CSMD1: variants seen among roughly 807,000 people sequenced by gnomAD.
CSMD1 encodes the protein CUB and sushi domain-containing protein 1.
A neutral mutation model predicts 417.5 loss-of-function variants in CSMD1; 213 were observed. That is an observed-to-expected ratio of 0.51 (90% confidence interval 0.46 to 0.57). The LOEUF (loss-of-function observed/expected upper bound fraction) is 0.57, where lower values mean the gene tolerates loss of function less well. Ranked by LOEUF, CSMD1 falls within the 20% of genes least tolerant of loss-of-function variation. The pLI is 0.00. For missense variants in CSMD1, 6,923 were observed against 4,529.7 expected, an observed-to-expected ratio of 1.53 and a Z score of -15.17; for synonymous variants, 2,862 against 1,736.8, an observed-to-expected ratio of 1.65 and a Z score of -16.11.
chr8:3,088,124 G>A (rs1585316748), intron 48 of CSMD1, among the ~76,000 whole-genome samples: 3 of 152,076 alleles, frequency 2.0e-5, no homozygotes, highest in Admixed American at 2.0e-4. Context: ...ATCCCTCTTT[G>A]TAAGGAGACA....
intron 1 of CSMD1, among the ~76,000 whole-genome samples, chr8:4,791,012 TG>T (rs778383274): frequency 3.9e-5 from 6 of 151,970 alleles, no homozygotes; most frequent in Admixed American, 6.6e-5. Flanking sequence ...AGTTCTGCAC[TG>T]CAAAATAAAC....
intron 6 of CSMD1, among the ~76,000 whole-genome samples, chr8:3,721,414 G>A (rs1442481933): frequency 6.6e-6 from 1 of 152,096 alleles, no homozygotes; most frequent in Non-Finnish European, 1.5e-5. Context: ...CCATGTTTCT[G>A]ATTCCTCAGA....
chr8:3,261,948 C>T (rs746284445), intron 26 of CSMD1, among the ~76,000 whole-genome samples: 10 of 151,646 alleles, frequency 6.6e-5, no homozygotes, highest in Non-Finnish European at 1.0e-4. Context: ...AATGTCAACG[C>T]GTGGGCTGTG....
chr8:4,762,079 T>C (rs1457532361), intron 1 of CSMD1, among the ~76,000 whole-genome samples: 1 of 152,122 alleles, frequency 6.6e-6, no homozygotes, highest in Non-Finnish European at 1.5e-5. Context: ...GATGTAAGTA[T>C]AGTAGCTGGT....
chr8:4,048,437 C>T lies in CSMD1; in HGVS notation c.416-16338G>A, dbSNP rs545888600. Among the ~76,000 whole-genome samples, 3 of 152,162 alleles carry T rather than the reference C, an allele frequency of 2.0e-5. No individual in the cohort carries two copies. The South Asian group carries it at 6.2e-4, about 32-fold the overall frequency. ...TTTCAATTTATGAACATGAACTCTCCTATTTTCCCAACAAGATTCTGCAGT... is the reference window on the plus strand; with the variant it reads ...TTTCAATTTATGAACATGAACTCTCTTATTTTCCCAACAAGATTCTGCAGT... On this transcript the variant is annotated intron_variant, in intron 3 of 69. Transcript: ENST00000635120.
At chr8:4,869,035 C>T (rs1378528641) in intron 1 of CSMD1, among the ~76,000 whole-genome samples, 1 of 151,808 alleles carries the variant, frequency 6.6e-6, no homozygotes, top group Non-Finnish European at 1.5e-5. Flanking sequence ...TATATTACTA[C>T]ATACCATTTC....
At chr8:4,668,114 A>G (rs1474150340) in intron 1 of CSMD1, among the ~76,000 whole-genome samples, 1 of 152,144 alleles carries the variant, frequency 6.6e-6, no homozygotes, top group Non-Finnish European at 1.5e-5. Context: ...CTTTTAGCAG[A>G]TATTGCCTCG....
chr8:3,075,667 G>A (rs1243263521), intron 49 of CSMD1, among the ~76,000 whole-genome samples: 2 of 152,136 alleles, frequency 1.3e-5, no homozygotes, highest in African/African-American at 2.4e-5. Context: ...TCAGTTTTGT[G>A]GGTTGCAGCT....
At chr8:3,175,430 ATCCCTCCCTTCCC>A (rs1258641186) in intron 37 of CSMD1, among the ~76,000 whole-genome samples, 9 of 146,544 alleles carry the variant, frequency 6.1e-5, no homozygotes, top group African/African-American at 1.5e-4. Flanking sequence ...CCTTTCTTTC[ATCCCTCCCTTCCC>A]TCCCTCCCTT....
At position 3,979,682 on chromosome 8, in the gene CSMD1, G is replaced by A. The variant is rs149167417; in HGVS notation, c.818+18221C>T. ...GACGCTGAAAGCAGGTGCCATCTAT[G>A]AGCCAGGACGCAATGCGTACCCAGA... is the stretch of plus-strand genomic sequence containing the variant. On this transcript the variant is annotated intron_variant, in intron 5 of 69. Coordinates refer to ENST00000635120, the MANE Select transcript of CSMD1 (RefSeq NM_033225.6). 2.0e-4 allele frequency among the ~76,000 whole-genome samples: 30 copies of A among 152,306 alleles called. No homozygotes were observed. In the East Asian group the frequency reaches 5.0e-3, roughly 26 times the overall value.
chr8:4,781,808 G>C (rs1797164435), intron 1 of CSMD1, among the ~76,000 whole-genome samples: 1 of 152,172 alleles, frequency 6.6e-6, no homozygotes, highest in Admixed American at 6.5e-5. Context: ...TTCTCACCTA[G>C]GCCAGTAAAA....
chr8:3,720,028 C>A (rs182810373), intron 6 of CSMD1, among the ~76,000 whole-genome samples: 3 of 152,304 alleles, frequency 2.0e-5, no homozygotes, highest in African/African-American at 7.2e-5. Flanking sequence ...AGTGCAATGT[C>A]TAGCCTGTGT....
intron 5 of CSMD1, among the ~76,000 whole-genome samples, chr8:3,886,686 A>G (rs929951633): frequency 6.6e-6 from 1 of 152,146 alleles, no homozygotes; most frequent in Non-Finnish European, 1.5e-5. Flanking sequence ...AAAACCTACT[A>G]CATGTTAGAC....
chr8:3,994,686 A>G (rs1437255091), intron 5 of CSMD1, among the ~76,000 whole-genome samples: 1 of 152,074 alleles, frequency 6.6e-6, no homozygotes, highest in East Asian at 1.9e-4. Flanking sequence ...TACGAACCCA[A>G]CGTATGTTTA....
intron 1 of CSMD1, among the ~76,000 whole-genome samples, chr8:4,656,938 T>C (rs1303498295): frequency 6.6e-6 from 1 of 151,946 alleles, no homozygotes; most frequent in Non-Finnish European, 1.5e-5. Context: ...CAAAAGGTGT[T>C]TGTCTTTGCA....
chr8:4,291,190 T>A (rs1797338513), intron 3 of CSMD1, among the ~76,000 whole-genome samples: 1 of 152,252 alleles, frequency 6.6e-6, no homozygotes, highest in South Asian at 2.1e-4. Flanking sequence ...TAATTATACA[T>A]TATTGGTATT....
intron 4 of CSMD1, among the ~76,000 whole-genome samples, chr8:4,019,684 C>T (rs889285969): frequency 5.3e-5 from 8 of 152,136 alleles, no homozygotes; most frequent in African/African-American, 1.9e-4. Flanking sequence ...TGAGATAATG[C>T]TGCTCCTGCT....
chr8:3,871,677 G>A (rs1231633616), intron 5 of CSMD1, among the ~76,000 whole-genome samples: 1 of 151,996 alleles, frequency 6.6e-6, no homozygotes, highest in Non-Finnish European at 1.5e-5. Flanking sequence ...TCATACAGAG[G>A]TCAATCATTT....
chr8:4,026,790 T>C (rs999609487), intron 4 of CSMD1, among the ~76,000 whole-genome samples: 1 of 152,194 alleles, frequency 6.6e-6, no homozygotes, highest in African/African-American at 2.4e-5. Flanking sequence ...AGTTTGAAGT[T>C]GACAAATGAT....
Sources: gnomAD v4.1 joint callset for allele counts (sites outside exome capture counted in the v4.1 genomes callset) on GRCh38, gnomAD v4.1.1 for gene constraint, MANE v1.5 for transcripts, NCBI Gene and HGNC (gene_info 2026-07-23, HGNC 2026-07-21) for gene names.